Variants in MECOM observed in about 807,000 individuals in gnomAD.
MECOM encodes MDS1 and EVI1 complex locus.
Under a neutral mutation model 116.3 loss-of-function variants are expected in MECOM, and 13 were observed. The observed-to-expected ratio is 0.11, with a 90% CI of 0.07 to 0.18. The LOEUF (loss-of-function observed/expected upper bound fraction) is 0.18, where lower values mean the gene tolerates loss of function less well. MECOM is among the 10% of genes least tolerant of loss of function. The pLI, the probability that MECOM is intolerant of heterozygous loss-of-function variation, is 1.00. For missense variants in MECOM, 1,299 were observed against 1,509.0 expected, an observed-to-expected ratio of 0.86 and a Z score of 2.31; for synonymous variants, 528 against 535.2, an observed-to-expected ratio of 0.99 and a Z score of 0.19.
chr3:169,428,511 CTAACAGGCCTAA>C (rs1231964310), intron 1 of MECOM, among the ~76,000 whole-genome samples: 1 of 152,212 alleles, frequency 6.6e-6, no homozygotes, highest in Non-Finnish European at 1.5e-5. Flanking sequence ...GGCCCAGTTC[CTAACAGGCCTAA>C]TAACAGGCCG....
chr3:169,572,735 C>A (rs111571572), intron 1 of MECOM, among the ~76,000 whole-genome samples: 12,360 of 151,738 alleles, frequency 0.081, 587 homozygotes, highest in Middle Eastern at 0.16. Context: ...AACAGAAAAC[C>A]AAATATCGCA....
chr3:169,367,333 T>A (rs920834808), intron 2 of MECOM, among the ~76,000 whole-genome samples: 5 of 138,842 alleles, frequency 3.6e-5, no homozygotes, highest in African/African-American at 1.5e-4. Flanking sequence ...CTAGAAAAGA[T>A]GTGATTTGGT....
At chr3:169,118,493 AG>A (rs1217227890) in intron 7 of MECOM, among the ~76,000 whole-genome samples, 1 of 152,218 alleles carries the variant, frequency 6.6e-6, no homozygotes, top group African/African-American at 2.4e-5. Flanking sequence ...CAAATAATGG[AG>A]AAGGTAGAAA....
intron 1 of MECOM, among the ~76,000 whole-genome samples, chr3:169,489,432 A>G (rs892439731): frequency 2.6e-5 from 4 of 152,224 alleles, no homozygotes; most frequent in African/African-American, 9.6e-5. Flanking sequence ...GGAAGAATAA[A>G]TGACTGAAAC....
chr3:169,490,596 G>T (rs1752965288), intron 1 of MECOM, among the ~76,000 whole-genome samples: 4 of 152,136 alleles, frequency 2.6e-5, no homozygotes, highest in African/African-American at 9.7e-5. Context: ...GCAAGTTGAA[G>T]AATGATATGT....
chr3:169,319,655 T>C (rs1300301991), intron 2 of MECOM, among the ~76,000 whole-genome samples: 1 of 152,218 alleles, frequency 6.6e-6, no homozygotes, highest in Admixed American at 6.5e-5. Context: ...AATTGTGTAA[T>C]GGAAAAATAA....
At chr3:169,153,285 A>C (rs1455981846) in intron 2 of MECOM, among the ~76,000 whole-genome samples, 5 of 152,232 alleles carry the variant, frequency 3.3e-5, no homozygotes, top group African/African-American at 1.2e-4. Flanking sequence ...AATGATGAAA[A>C]AATAAATACA....
In MECOM at chr3:169,475,644, T is replaced by A. The variant is rs180787563; in HGVS notation, c.38-94120A>T. ...GGGTAGAAAAGAAAGACGCAATCAT[T>A]CCTTAAATGCATATTTAAAATTCAC... On this transcript the variant is annotated intron_variant, in intron 1 of 16. Coordinates refer to ENST00000651503, the MANE Select transcript of MECOM (RefSeq NM_004991.4). Among the ~76,000 whole-genome samples the A allele has an allele frequency of 6.6e-5, 10 of 152,238 alleles. No individual in the cohort carries two copies. In the East Asian group the frequency reaches 1.9e-3, roughly 29 times the overall value.
intron 5 of MECOM, among the ~76,000 whole-genome samples, chr3:169,125,478 T>C (rs1732521431): frequency 6.6e-6 from 1 of 152,070 alleles, no homozygotes; most frequent in Non-Finnish European, 1.5e-5. Context: ...TCCCCCTAAT[T>C]CCAAGGATAT....
At chr3:169,639,529 C>G (rs529424156) in intron 1 of MECOM, among the ~76,000 whole-genome samples, 12 of 152,306 alleles carry the variant, frequency 7.9e-5, no homozygotes, top group Non-Finnish European at 2.9e-5. Flanking sequence ...CTTGATCAAA[C>G]TGTGCCTGGG....
chr3:169,571,254 G>C (rs1763866218), intron 1 of MECOM, among the ~76,000 whole-genome samples: 1 of 152,058 alleles, frequency 6.6e-6, no homozygotes, highest in Non-Finnish European at 1.5e-5. Context: ...GCTACAAAGA[G>C]AATAAAATAC....
chr3:169,458,460 T>C (rs1188748008), intron 1 of MECOM, among the ~76,000 whole-genome samples: 3 of 152,220 alleles, frequency 2.0e-5, no homozygotes, highest in Non-Finnish European at 4.4e-5. Context: ...CTGGGCCACT[T>C]GAGCAACAAC....
At chr3:169,267,722 A>C (rs1054661696) in intron 2 of MECOM, among the ~76,000 whole-genome samples, 2 of 152,068 alleles carry the variant, frequency 1.3e-5, no homozygotes, top group African/African-American at 2.4e-5. Flanking sequence ...CTGGGATGTG[A>C]TAGAAAAGAC....
intron 2 of MECOM, among the ~76,000 whole-genome samples, chr3:169,224,287 A>G (rs1347045177): frequency 6.6e-6 from 1 of 152,220 alleles, no homozygotes. Flanking sequence ...GTGGAAGAAC[A>G]AAGGCCTGGC....
intron 2 of MECOM, among the ~76,000 whole-genome samples, chr3:169,335,234 C>A (rs1339469153): frequency 1.3e-5 from 2 of 152,048 alleles, no homozygotes; most frequent in East Asian, 1.9e-4. Context: ...AACAACAGAG[C>A]AAAAACAGCC....
chr3:169,533,228 G>C (rs1354624663), intron 1 of MECOM, among the ~76,000 whole-genome samples: 1 of 152,038 alleles, frequency 6.6e-6, no homozygotes, highest in Non-Finnish European at 1.5e-5. Flanking sequence ...TGTGATTATA[G>C]ATATATATCA....
intron 12 of MECOM, among the ~76,000 whole-genome samples, chr3:169,098,513 C>A (rs760168053): frequency 6.6e-6 from 1 of 152,144 alleles, no homozygotes; most frequent in African/African-American, 2.4e-5. Flanking sequence ...ATGATGCTGA[C>A]ATGTCTAACT....
intron 2 of MECOM, among the ~76,000 whole-genome samples, chr3:169,253,583 G>A (rs569219636): frequency 6.6e-6 from 1 of 151,988 alleles, no homozygotes; most frequent in Admixed American, 6.6e-5. Context: ...TAAGATACAT[G>A]CTTCTGAATA....
intron 13 of MECOM, 83 bp from the exon 14 acceptor site, chr3:169,093,185 A>T: frequency 7.1e-7 from 1 of 1,414,736 alleles, no homozygotes; most frequent in South Asian, 1.4e-5. Flanking sequence ...TATGAATTTG[A>T]TCAGTGCTGT....
Sources: gnomAD v4.1 joint callset for allele counts (sites outside exome capture counted in the v4.1 genomes callset) on GRCh38, gnomAD v4.1.1 for gene constraint, MANE v1.5 for transcripts, NCBI Gene and HGNC (gene_info 2026-07-23, HGNC 2026-07-21) for gene names.